EML5: variants seen among roughly 807,000 people sequenced by gnomAD.
EML5 encodes the protein EMAP like 5.
Under a neutral mutation model 250.0 loss-of-function variants are expected in EML5, and 120 were observed. That is an observed-to-expected ratio of 0.48 (90% CI 0.41 to 0.56). EML5 has a LOEUF of 0.56. EML5 is among the 20% of genes least tolerant of loss of function. EML5 has a pLI of 0.00. For missense variants in EML5, 2,006 were observed against 2,437.6 expected, an observed-to-expected ratio of 0.82 and a Z score of 3.73; for synonymous variants, 771 against 806.5, an observed-to-expected ratio of 0.96 and a Z score of 0.75.
intron 21 of EML5, among the ~76,000 whole-genome samples, chr14:88,669,227 T>C (rs1286975396): frequency 1.3e-5 from 2 of 152,072 alleles, no homozygotes; most frequent in Admixed American, 6.6e-5. Context: ...GTCCCAAGCA[T>C]AGAGCTGCAC....
At chr14:88,622,866 T>C in intron 36 of EML5, 148 bp from the exon 37 acceptor site, 2 of 510,396 alleles carry the variant, frequency 3.9e-6, no homozygotes, top group East Asian at 3.2e-5. Flanking sequence ...GTAAACTTTC[T>C]ATGGCAATTT....
At chr14:88,768,454 A>G (rs1430587352) in intron 1 of EML5, among the ~76,000 whole-genome samples, 4 of 151,702 alleles carry the variant, frequency 2.6e-5, no homozygotes, top group Admixed American at 6.6e-5. Context: ...TCTGTCACCC[A>G]GGCTGGAGTG....
Position 88,643,405 on chromosome 14 carries a change from AAC to A in EML5, c.4108-385_4108-384del, listed in dbSNP as rs542774036. On this transcript the variant is annotated intron_variant, in intron 30 of 43. Coordinates refer to ENST00000554922, the MANE Select transcript of EML5 (RefSeq NM_183387.3). ...AAAAACAATAAAAAATAACATTTAA[AAC>A]ACAATATTGTATAACAAATATGTAT... is the stretch of plus-strand genomic sequence containing the variant. Among the ~76,000 whole-genome samples, 178 of 152,346 alleles carry A rather than the reference AAC, an allele frequency of 1.2e-3. 1 individual carries two copies. The highest frequency in any genetic ancestry group is 1.9e-3 in the Admixed American group (29 of 15,300).
intron 1 of EML5, among the ~76,000 whole-genome samples, chr14:88,762,488 C>T (rs1330919113): frequency 1.3e-5 from 2 of 151,350 alleles, no homozygotes; most frequent in Non-Finnish European, 2.9e-5. Context: ...CCAGCCTAAG[C>T]AACAAGAGTG....
chr14:88,649,452 A>G (rs920285213), intron 28 of EML5, among the ~76,000 whole-genome samples: 2 of 152,220 alleles, frequency 1.3e-5, no homozygotes, highest in Non-Finnish European at 2.9e-5. Flanking sequence ...AGGTAGATAT[A>G]AAAGTAACCC....
intron 21 of EML5, among the ~76,000 whole-genome samples, chr14:88,677,651 T>C (rs1280766741): frequency 1.3e-5 from 2 of 152,298 alleles, no homozygotes; most frequent in Non-Finnish European, 2.9e-5. Context: ...AAGCAGACAA[T>C]TCTCAAAAGA....
Position 88,627,735 on chromosome 14 carries a change from C to T in EML5, c.4442G>A (p.Cys1481Tyr). The change falls in exon 34 of 44, where the codon TGT becomes TAT. Residue 1481 changes from cysteine (C) to tyrosine (Y), a missense_variant. This residue lies in a region of EML5 where 1,375 missense variants were observed against 1,590.3 expected (regional missense o/e 0.86). Coordinates refer to ENST00000554922, the MANE Select transcript of EML5 (RefSeq NM_183387.3). ...GCCAGTAGCACTGAAGCTGACTGAA[C>T]ATACTCCCTTTGAATGGTAGCATCT... Reference protein sequence around the residue: ...ILRCYHSKGVCSVSFSATGKL... With the variant: ...ILRCYHSKGVYSVSFSATGKL... 1 of 1,613,188 alleles carries T rather than the reference C, an allele frequency of 6.2e-7. No individual in the cohort carries two copies.
chr14:88,783,384 A>T (rs2094517809), intron 1 of EML5, among the ~76,000 whole-genome samples: 1 of 152,226 alleles, frequency 6.6e-6, no homozygotes, highest in South Asian at 2.1e-4. Context: ...TCAATGGAAG[A>T]TCCAATGGAA....
chr14:88,713,606 C>T (rs1396345850), intron 9 of EML5, among the ~76,000 whole-genome samples: 1 of 151,118 alleles, frequency 6.6e-6, no homozygotes, highest in African/African-American at 2.4e-5. Flanking sequence ...GTGCATGCCA[C>T]CACAACCTGC....
intron 8 of EML5, among the ~76,000 whole-genome samples, chr14:88,720,951 T>C (rs917198333): frequency 2.0e-5 from 3 of 152,008 alleles, no homozygotes; most frequent in African/African-American, 4.8e-5. Flanking sequence ...AATCAATGTG[T>C]AAAAGTCACA....
intron 12 of EML5, 87 bp from the exon 13 acceptor site, chr14:88,705,065 GT>G: frequency 1.2e-6 from 1 of 868,560 alleles, no homozygotes; most frequent in Non-Finnish European, 1.7e-6. Flanking sequence ...TTCAGACATT[GT>G]CTGAAAACAA....
chr14:88,767,920 G>C (rs1337425707), intron 1 of EML5, among the ~76,000 whole-genome samples: 2 of 151,988 alleles, frequency 1.3e-5, no homozygotes, highest in African/African-American at 2.4e-5. Flanking sequence ...TCTCTTTTCT[G>C]TTCCAAGATC....
At chr14:88,665,215 C>A in intron 22 of EML5, 122 bp downstream of exon 22, 1 of 1,049,292 alleles carries the variant, frequency 9.5e-7, no homozygotes, top group Non-Finnish European at 1.3e-6. Flanking sequence ...TGCTACACTG[C>A]CTCTTCTAGT....
intron 14 of EML5, 116 bp from the exon 15 acceptor site, chr14:88,697,068 T>A: frequency 1.5e-6 from 1 of 689,220 alleles, no homozygotes; most frequent in Non-Finnish European, 2.2e-6. Flanking sequence ...CAGAAATTTA[T>A]TAAATAAAAA....
intron 21 of EML5, among the ~76,000 whole-genome samples, chr14:88,669,723 C>A (rs1313671781): frequency 6.6e-6 from 1 of 152,178 alleles, no homozygotes; most frequent in Non-Finnish European, 1.5e-5. Flanking sequence ...GTAATGCACC[C>A]CCTCTGCCAA....
rs2090967888 is a variant in EML5, at chr14:88,639,991, T to C, written c.4238-1084A>G. 2.0e-5 allele frequency among the ~76,000 whole-genome samples: 3 copies of C among 152,262 alleles called. 1 individual carries two copies. In the South Asian group the frequency reaches 6.2e-4, roughly 32 times the overall value. ...TAGTCCATGCAGAAGGGAAAAAAGA[T>C]AGACTTGTGGAAGTAAAATGAAGAG... On this transcript the variant is annotated intron_variant, in intron 31 of 43. Coordinates refer to ENST00000554922, the MANE Select transcript of EML5 (RefSeq NM_183387.3).
chr14:88,637,528 C>A (rs2090809445), intron 32 of EML5, among the ~76,000 whole-genome samples: 1 of 152,090 alleles, frequency 6.6e-6, no homozygotes. Context: ...ATGAAAGAAC[C>A]ATATTCTAGA....
At chr14:88,679,031 G>GT (rs1386334328) in intron 21 of EML5, among the ~76,000 whole-genome samples, 1 of 151,602 alleles carries the variant, frequency 6.6e-6, no homozygotes, top group Non-Finnish European at 1.5e-5. Context: ...GTGCTCCTTG[G>GT]TTTATAGGTA....
chr14:88,656,487 G>A (rs995559381), intron 27 of EML5, among the ~76,000 whole-genome samples: 2 of 152,042 alleles, frequency 1.3e-5, no homozygotes, highest in African/African-American at 4.8e-5. Flanking sequence ...AGCTAGGGGA[G>A]GGATAGCATT....
Sources: allele counts gnomAD v4.1 joint callset (sites outside exome capture counted in the v4.1 genomes callset), GRCh38; gene constraint gnomAD v4.1.1; regional missense constraint gnomAD v4.1.1; transcripts MANE v1.5; gene names NCBI Gene and HGNC (gene_info 2026-07-23, HGNC 2026-07-21).